The following LRMDA variants were observed in gnomAD, a reference collection of about 807,000 sequenced individuals.
LRMDA encodes the protein leucine rich melanocyte differentiation associated, also known as leucine-rich melanocyte differentiation-associated protein.
Under a neutral mutation model 29.8 loss-of-function variants are expected in LRMDA, and 18 were observed. The ratio of observed to expected loss-of-function variants is 0.60; its 90% CI spans 0.42 to 0.90. The LOEUF (loss-of-function observed/expected upper bound fraction) is 0.90. Ranked by LOEUF, LRMDA falls within the 40% of genes least tolerant of loss-of-function variation. The pLI is 0.00. For synonymous variants in LRMDA, 125 were observed against 109.4 expected, an observed-to-expected ratio of 1.14 and a Z score of -0.89; for missense variants, 273 against 273.9, an observed-to-expected ratio of 1.00 and a Z score of 0.02.
intron 2 of LRMDA, among the ~76,000 whole-genome samples, chr10:76,000,870 T>A (rs1432747982): frequency 5.9e-5 from 9 of 151,914 alleles, no homozygotes; most frequent in Admixed American, 4.6e-4. Context: ...GTGTTGAGAG[T>A]CTGCTTCCCT....
intron 2 of LRMDA, among the ~76,000 whole-genome samples, chr10:75,741,952 C>T (rs966903581): frequency 1.3e-5 from 2 of 152,148 alleles, no homozygotes; most frequent in African/African-American, 4.8e-5. Context: ...CGTGAGAGCG[C>T]TGTGAGGACA....
chr10:75,467,085 C>T (rs1397467400), intron 2 of LRMDA, among the ~76,000 whole-genome samples: 1 of 152,096 alleles, frequency 6.6e-6, no homozygotes, highest in Non-Finnish European at 1.5e-5. Flanking sequence ...GTGACTGCAA[C>T]CCAGCCAAGG....
intron 2 of LRMDA, among the ~76,000 whole-genome samples, chr10:75,523,839 C>G (rs1046288034): frequency 6.6e-6 from 1 of 152,114 alleles, no homozygotes; most frequent in Admixed American, 6.5e-5. Context: ...TCCTGAGGCA[C>G]CATTCCCCTC....
At chr10:76,547,909 A>G (rs542906258) in intron 6 of LRMDA, among the ~76,000 whole-genome samples, 1 of 152,282 alleles carries the variant, frequency 6.6e-6, no homozygotes, top group Admixed American at 6.5e-5. Context: ...ATAGGAGAGA[A>G]GGGAAATACA....
chr10:75,533,708 A>G (rs540110342), intron 2 of LRMDA, among the ~76,000 whole-genome samples: 24 of 152,282 alleles, frequency 1.6e-4, no homozygotes, highest in African/African-American at 5.5e-4. Context: ...CAGTTGTAGC[A>G]GTCTGCTGCT....
chr10:76,378,858 C>CTTTTTTTTTTTTT (rs144037195), intron 6 of LRMDA, among the ~76,000 whole-genome samples: 9 of 118,962 alleles, frequency 7.6e-5, no homozygotes, highest in Admixed American at 9.9e-5. Context: ...CTTTTTTTTT[C>CTTTTTTTTTTTTT]TTTTTTTTTT....
intron 3 of LRMDA, among the ~76,000 whole-genome samples, chr10:76,040,155 A>T (rs1848317126): frequency 6.6e-6 from 1 of 152,144 alleles, no homozygotes; most frequent in Non-Finnish European, 1.5e-5. Flanking sequence ...TCTGAAACCC[A>T]AAGGAGCGGC....
chr10:75,832,268 C>G (rs1383850175), intron 2 of LRMDA, among the ~76,000 whole-genome samples: 1 of 152,132 alleles, frequency 6.6e-6, no homozygotes, highest in Non-Finnish European at 1.5e-5. Flanking sequence ...ACCAGATACC[C>G]TAAATAATCT....
chr10:75,636,714 T>G (rs1841393963), intron 2 of LRMDA, among the ~76,000 whole-genome samples: 1 of 152,224 alleles, frequency 6.6e-6, no homozygotes, highest in African/African-American at 2.4e-5. Flanking sequence ...TATTTCTGGG[T>G]GAGAGCCCAG....
At chr10:75,548,753 T>G (rs140450003) in intron 2 of LRMDA, among the ~76,000 whole-genome samples, 310 of 152,274 alleles carry the variant, frequency 2.0e-3, no homozygotes, top group Middle Eastern at 0.014. Context: ...AAAAAAGATC[T>G]AAGTATCTGT....
At chr10:76,529,755 T>C (rs1004253838) in intron 6 of LRMDA, among the ~76,000 whole-genome samples, 2 of 152,114 alleles carry the variant, frequency 1.3e-5, no homozygotes, top group Non-Finnish European at 2.9e-5. Context: ...AGACTATAGC[T>C]CTTTTGGGTA....
chr10:75,952,074 G>A (rs768438558), intron 2 of LRMDA, among the ~76,000 whole-genome samples: 1 of 152,232 alleles, frequency 6.6e-6, no homozygotes, highest in Non-Finnish European at 1.5e-5. Flanking sequence ...GAGTCACCCC[G>A]GGGGAAGTGC....
chr10:75,807,566 G>A (rs1843877816), intron 2 of LRMDA, among the ~76,000 whole-genome samples: 1 of 152,200 alleles, frequency 6.6e-6, no homozygotes, highest in African/African-American at 2.4e-5. Flanking sequence ...TACTTTAAAG[G>A]CAGCAGGTTG....
chr10:76,351,640 C>T (rs1841177671), intron 6 of LRMDA, among the ~76,000 whole-genome samples: 1 of 151,830 alleles, frequency 6.6e-6, no homozygotes, highest in Non-Finnish European at 1.5e-5. Context: ...AGGCACTGTG[C>T]TAGGCCCTGC....
At chr10:76,065,360 G>T (rs182778407) in intron 5 of LRMDA, among the ~76,000 whole-genome samples, 1 of 152,332 alleles carries the variant, frequency 6.6e-6, no homozygotes, top group East Asian at 1.9e-4. Flanking sequence ...ACAATAGAAA[G>T]AAGGAAGGTG....
At chr10:76,430,134 A>G (rs1396706228) in intron 6 of LRMDA, among the ~76,000 whole-genome samples, 3 of 152,196 alleles carry the variant, frequency 2.0e-5, no homozygotes, top group Non-Finnish European at 4.4e-5. Context: ...AATATGTCGG[A>G]AACAAGGTAT....
intron 1 of LRMDA, among the ~76,000 whole-genome samples, chr10:75,435,096 G>A (rs1183352892): frequency 1.3e-5 from 2 of 152,094 alleles, no homozygotes; most frequent in Admixed American, 6.5e-5. Context: ...GAGGTCTTAG[G>A]GTACAAATTA....
chr10:76,202,980 C>T (rs1003115454), intron 5 of LRMDA, among the ~76,000 whole-genome samples: 1 of 152,168 alleles, frequency 6.6e-6, no homozygotes, highest in African/African-American at 2.4e-5. Flanking sequence ...AAACACATCT[C>T]TCTATTTTCC....
chr10:76,137,851 G>A (rs888195988), intron 5 of LRMDA, among the ~76,000 whole-genome samples: 2 of 151,444 alleles, frequency 1.3e-5, no homozygotes, highest in African/African-American at 4.9e-5. Flanking sequence ...AAGGCTGAAT[G>A]TCCCTTTAAG....
Sources: allele counts gnomAD v4.1 joint callset (sites outside exome capture counted in the v4.1 genomes callset), GRCh38; gene constraint gnomAD v4.1.1; transcripts MANE v1.5; gene names NCBI Gene and HGNC (gene_info 2026-07-23, HGNC 2026-07-21).